The following CDH13 variants were observed in gnomAD, a reference collection of about 807,000 sequenced individuals.
CDH13 encodes cadherin 13, also known as cadherin-13.
CDH13 carries 24 observed loss-of-function variants against 63.8 expected under a neutral mutation model. The ratio of observed to expected loss-of-function variants is 0.38; its 90% confidence interval spans 0.27 to 0.53. The LOEUF (loss-of-function observed/expected upper bound fraction) is 0.53. CDH13 is among the 20% of genes least tolerant of loss of function. The pLI is 0.85. For missense variants in CDH13, 1,049 were observed against 903.1 expected (o/e 1.16, Z -2.07); for synonymous variants, 503 against 355.3 (o/e 1.42, Z -4.67).
chr16:82,631,390 T>C (rs1907991515), intron 1 of CDH13, among the ~76,000 whole-genome samples: 1 of 152,222 alleles, frequency 6.6e-6, no homozygotes, highest in African/African-American at 2.4e-5. Flanking sequence ...GGGTGACTCC[T>C]GAGCTAGGTC....
At chr16:83,142,441 C>T (rs908375526) in intron 4 of CDH13, among the ~76,000 whole-genome samples, 11 of 152,086 alleles carry the variant, frequency 7.2e-5, no homozygotes, top group African/African-American at 9.7e-5. Context: ...CAGGTGTGAG[C>T]CACAGTGCCT....
rs186150976 is a variant in CDH13 at position 83,315,637 on chromosome 16, G to A, written c.637-29225G>A. Among the ~76,000 whole-genome samples the A allele has an allele frequency of 2.2e-3, 298 of 133,252 alleles. 1 individual carries two copies. The highest frequency in any genetic ancestry group is 6.7e-3 in the Admixed American group (86 of 12,894). The allele number at this position is 133,252 out of a possible 152,430, so 87.4% of individuals were successfully genotyped here. A position where few individuals can be genotyped will look rare whatever the true frequency, so the allele number is the denominator to read the frequency against. On this transcript the variant is annotated intron_variant, in intron 5 of 13. Transcript: ENST00000567109. ...ATCACCAAATATGTTACAAACTCTG[G>A]ATTTAAAAAAAAAAAACAGCTCTAA...
intron 6 of CDH13, among the ~76,000 whole-genome samples, chr16:83,462,385 C>G (rs1299996951): frequency 6.6e-6 from 1 of 152,216 alleles, no homozygotes; most frequent in African/African-American, 2.4e-5. Context: ...CTTCCTTTCT[C>G]TGAATTTCAG....
At chr16:83,213,910 G>T (rs1384419523) in intron 4 of CDH13, among the ~76,000 whole-genome samples, 2 of 152,050 alleles carry the variant, frequency 1.3e-5, no homozygotes, top group Admixed American at 1.3e-4. Flanking sequence ...ACCAATCAGT[G>T]CTCTGTAAAA....
In CDH13 at chr16:83,600,869, C is replaced by A. The variant is rs182638477; in HGVS notation, c.961-1585C>A. 2.7e-3 allele frequency among the ~76,000 whole-genome samples: 404 copies of A among 152,194 alleles called. 1 individual carries two copies. The highest frequency in any genetic ancestry group is 4.2e-3 in the Non-Finnish European group (289 of 68,012). On this transcript the variant is annotated intron_variant, in intron 7 of 13. Transcript: ENST00000567109. ...CCAGTACAACCACTAAGAACCATTT[C>A]TTTTCTGAGATTCCAGTATAATTAA...
At chr16:83,138,614 G>C (rs2151670744) in intron 4 of CDH13, among the ~76,000 whole-genome samples, 1 of 152,288 alleles carries the variant, frequency 6.6e-6, no homozygotes, top group Admixed American at 6.5e-5. Context: ...ATCATCAAAG[G>C]CTGGAAGAGG....
chr16:83,601,781 A>T (rs1360984978), intron 7 of CDH13, among the ~76,000 whole-genome samples: 1 of 152,134 alleles, frequency 6.6e-6, no homozygotes, highest in Non-Finnish European at 1.5e-5. Flanking sequence ...GAAATAGCAG[A>T]TATGGATGTA....
At chr16:83,171,194 T>C (rs1286142360) in intron 4 of CDH13, among the ~76,000 whole-genome samples, 4 of 152,120 alleles carry the variant, frequency 2.6e-5, no homozygotes, top group African/African-American at 9.7e-5. Context: ...AAGCAGGCAC[T>C]TCTTCCTGGC....
intron 5 of CDH13, among the ~76,000 whole-genome samples, chr16:83,265,512 C>A (rs1334655636): frequency 6.6e-6 from 1 of 152,126 alleles, no homozygotes; most frequent in East Asian, 1.9e-4. Flanking sequence ...TACATTTCTT[C>A]AACTTTATCT....
At chr16:83,757,305 C>T (rs907050521) in intron 11 of CDH13, among the ~76,000 whole-genome samples, 17 of 152,122 alleles carry the variant, frequency 1.1e-4, no homozygotes, top group African/African-American at 3.1e-4. Context: ...AGGCTGGGCA[C>T]GGTGGCTCAC....
rs971172260 is a variant in CDH13 at position 83,315,693 on chromosome 16, G to A, written c.637-29169G>A. ...TTTTTAATTTTTTTAGTGTGTTCTC[G>A]CTATCTTGGAGTTATTTCTAGTCAT... On this transcript the variant is annotated intron_variant, in intron 5 of 13. Coordinates refer to ENST00000567109, the MANE Select transcript of CDH13 (RefSeq NM_001257.5). Among the ~76,000 whole-genome samples, 90 of 150,284 alleles carry A rather than the reference G, an allele frequency of 6.0e-4. 1 individual carries two copies. The highest frequency in any genetic ancestry group is 9.3e-4 in the Non-Finnish European group (63 of 67,686).
chr16:83,464,295 G>A (rs1274822222), intron 6 of CDH13, among the ~76,000 whole-genome samples: 1 of 152,044 alleles, frequency 6.6e-6, no homozygotes, highest in East Asian at 2.0e-4. Context: ...GGTGGATCAT[G>A]TGAAGTCAGG....
At chr16:83,027,175 G>A (rs1417048815) in intron 2 of CDH13, among the ~76,000 whole-genome samples, 2 of 141,208 alleles carry the variant, frequency 1.4e-5, no homozygotes, top group Non-Finnish European at 3.0e-5. Flanking sequence ...GAGAGTAACT[G>A]AGCAAAGTGG....
chr16:83,671,797 C>A (rs187591800), intron 9 of CDH13, among the ~76,000 whole-genome samples: 4 of 152,296 alleles, frequency 2.6e-5, no homozygotes, highest in Non-Finnish European at 4.4e-5. Context: ...ACAAGTAGAA[C>A]AAGGAGGAAA....
At chr16:83,519,065 C>G (rs73605863) in intron 7 of CDH13, among the ~76,000 whole-genome samples, 14 of 152,284 alleles carry the variant, frequency 9.2e-5, no homozygotes, top group African/African-American at 3.4e-4. Flanking sequence ...TAAACTTTAC[C>G]ATTGTTCTTT....
intron 7 of CDH13, among the ~76,000 whole-genome samples, chr16:83,564,077 G>A (rs1044919578): frequency 5.3e-5 from 8 of 152,152 alleles, no homozygotes; most frequent in African/African-American, 9.7e-5. Flanking sequence ...GGTCAAATAC[G>A]TGAAATGATT....
At chr16:83,584,932 C>T (rs1237136193) in intron 7 of CDH13, among the ~76,000 whole-genome samples, 1 of 152,060 alleles carries the variant, frequency 6.6e-6, no homozygotes, top group Non-Finnish European at 1.5e-5. Flanking sequence ...TTTAAACAAC[C>T]AGGTCTTAGG....
intron 7 of CDH13, among the ~76,000 whole-genome samples, chr16:83,596,725 A>G (rs1264599537): frequency 6.6e-6 from 1 of 152,196 alleles, no homozygotes; most frequent in East Asian, 1.9e-4. Context: ...TATTCTGATC[A>G]TGTATGAGCA....
intron 2 of CDH13, among the ~76,000 whole-genome samples, chr16:82,995,818 C>T (rs1912145153): frequency 6.6e-6 from 1 of 152,118 alleles, no homozygotes; most frequent in East Asian, 1.9e-4. Context: ...CACGCTGCAT[C>T]CATTGAGGAG....
Sources: allele counts gnomAD v4.1 joint callset (sites outside exome capture counted in the v4.1 genomes callset), GRCh38; gene constraint gnomAD v4.1.1; transcripts MANE v1.5; gene names NCBI Gene and HGNC (gene_info 2026-07-23, HGNC 2026-07-21).